PITPNM2: variants seen among roughly 807,000 people sequenced by gnomAD.
The protein encoded by PITPNM2 is phosphatidylinositol transfer protein membrane associated 2.
PITPNM2 carries 35 observed loss-of-function variants against 132.2 expected under a neutral mutation model. The ratio of observed to expected loss-of-function variants is 0.26; its 90% CI spans 0.20 to 0.35. PITPNM2 has a LOEUF of 0.35. PITPNM2 is among the 10% of genes least tolerant of loss of function. The probability of loss-of-function intolerance (pLI) is 1.00; values close to 1 mark genes in which losing one functional copy is unlikely to be tolerated. For missense variants in PITPNM2, 1,332 were observed against 1,912.0 expected, an observed-to-expected ratio of 0.70 and a Z score of 5.66; for synonymous variants, 738 against 799.2, an observed-to-expected ratio of 0.92 and a Z score of 1.29.
intron 3 of PITPNM2, among the ~76,000 whole-genome samples, chr12:123,018,083 C>T (rs2039513948): frequency 1.5e-5 from 2 of 131,612 alleles, no homozygotes; most frequent in Non-Finnish European, 3.2e-5. Context: ...CTCTCTTTCT[C>T]TTTCTCTCTT....
intron 13 of PITPNM2, among the ~76,000 whole-genome samples, chr12:122,996,056 C>T (rs1349972710): frequency 2.0e-5 from 3 of 152,228 alleles, no homozygotes; most frequent in African/African-American, 7.2e-5. Flanking sequence ...GGCACCTATG[C>T]TGCCAACCTT....
chr12:122,999,111 C>CAAA (rs5801497), intron 10 of PITPNM2, among the ~76,000 whole-genome samples: 2 of 89,742 alleles, frequency 2.2e-5, no homozygotes, highest in Admixed American at 1.2e-4. Flanking sequence ...ACCCTGTCTC[C>CAAA]AAAAAAAAAA....
chr12:123,142,394 C>T (rs534025260), intron 1 of PITPNM2, among the ~76,000 whole-genome samples: 2 of 152,296 alleles, frequency 1.3e-5, no homozygotes, highest in African/African-American at 2.4e-5. Flanking sequence ...GAAAATGTCC[C>T]GCTTAGGGGA....
chr12:123,053,644 C>G (rs2040932587), intron 2 of PITPNM2, among the ~76,000 whole-genome samples: 1 of 139,472 alleles, frequency 7.2e-6, no homozygotes, highest in African/African-American at 3.3e-5. Flanking sequence ...CTCGGCTCAC[C>G]AAAACCTCCA....
rs991823801 is a variant in PITPNM2 at position 123,117,264 on chromosome 12, C to G, written c.-199-6776G>C. Among the ~76,000 whole-genome samples, 4 of 152,194 alleles carry G rather than the reference C, an allele frequency of 2.6e-5. No homozygotes were observed. The highest frequency in any genetic ancestry group is 5.9e-5 in the Non-Finnish European group (4 of 68,052). On this transcript the variant is annotated intron_variant, in intron 1 of 25. Transcript: ENST00000320201. This position sits in a 1 kb window ranked among gnomAD's most constrained non-coding sequence, Gnocchi z 4.7. Reference sequence around the variant, plus strand: ...CCGGTGCTGAGTTTCAAACAGCGGTCGTGAGGCTGGGGAATTTCTCCAGTG... The same window carrying G: ...CCGGTGCTGAGTTTCAAACAGCGGTGGTGAGGCTGGGGAATTTCTCCAGTG...
chr12:123,041,492 A>G (rs1249677404), intron 2 of PITPNM2, among the ~76,000 whole-genome samples: 1 of 152,080 alleles, frequency 6.6e-6, no homozygotes, highest in Non-Finnish European at 1.5e-5. Context: ...GAGGCCAGGG[A>G]GCATGGCAGA....
intron 8 of PITPNM2, among the ~76,000 whole-genome samples, chr12:123,002,571 C>T (rs1041615405): frequency 2.0e-5 from 3 of 152,108 alleles, no homozygotes; most frequent in African/African-American, 7.2e-5. Context: ...CGCCACGACA[C>T]TTGGCTAATT....
At chr12:123,141,609 G>C (rs1404321398) in intron 1 of PITPNM2, among the ~76,000 whole-genome samples, 1 of 152,010 alleles carries the variant, frequency 6.6e-6, no homozygotes. Flanking sequence ...GGAATCTTAA[G>C]CACCAGAAAA....
intron 2 of PITPNM2, among the ~76,000 whole-genome samples, chr12:123,055,086 GA>G (rs1174193016): frequency 6.6e-6 from 1 of 152,038 alleles, no homozygotes; most frequent in Non-Finnish European, 1.5e-5. Context: ...GAAAAGAAAA[GA>G]AAAGGTACAT....
chr12:123,148,403 G>A (rs903539615), intron 1 of PITPNM2, among the ~76,000 whole-genome samples: 2 of 152,256 alleles, frequency 1.3e-5, no homozygotes, highest in Non-Finnish European at 2.9e-5. Context: ...AAGAGCACAC[G>A]GCCCTGGCAT....
At chr12:123,068,182 G>GCACGGCCGGA (rs2041491482) in intron 2 of PITPNM2, among the ~76,000 whole-genome samples, 1 of 86,898 alleles carries the variant, frequency 1.2e-5, no homozygotes, top group African/African-American at 5.0e-5. Context: ...AAATCCACGG[G>GCACGGCCGGA]CACGGCCGGG....
chr12:123,013,709 T>TTA, intron 4 of PITPNM2, 119 bp downstream of exon 4: 1 of 1,170,618 alleles, frequency 8.5e-7, no homozygotes. Flanking sequence ...TTCCCTGGGG[T>TTA]TATGGGTTGT....
chr12:123,062,067 A>G (rs1425136561), intron 2 of PITPNM2, among the ~76,000 whole-genome samples: 1 of 152,120 alleles, frequency 6.6e-6, no homozygotes, highest in Non-Finnish European at 1.5e-5. Flanking sequence ...TGCCAAGTAG[A>G]GCAGCCTGGC....
chr12:123,040,713 C>T (rs1240149746), intron 2 of PITPNM2, among the ~76,000 whole-genome samples: 2 of 151,430 alleles, frequency 1.3e-5, no homozygotes, highest in Non-Finnish European at 2.9e-5. Context: ...TCATGTAGAA[C>T]ACGATACTTT....
At chr12:123,011,969 A>G (rs2039228290) in intron 5 of PITPNM2, among the ~76,000 whole-genome samples, 1 of 151,914 alleles carries the variant, frequency 6.6e-6, no homozygotes, top group African/African-American at 2.4e-5. Flanking sequence ...ATGGACACCC[A>G]CCCCCAACCC....
rs552984772 is a variant in PITPNM2 at position 123,005,576 on chromosome 12, G to A, written c.644-28C>T. 4 of 1,598,350 alleles carry A rather than the reference G, an allele frequency of 2.5e-6. No homozygotes were observed. In the South Asian group the frequency reaches 4.4e-5, roughly 18 times the overall value. On this transcript the variant is annotated intron_variant, in intron 6 of 25. Transcript: ENST00000320201. The surrounding 1 kb of genome is among the most constrained non-coding windows in gnomAD (Gnocchi z 6.2). ...GTGCCCCATGGGGATCAGAGAGGGA[G>A]AGACGAGGGGAGGGAGGTCAGCGCA...
chr12:123,111,827 T>C lies in PITPNM2; in HGVS notation c.-199-1339A>G, dbSNP rs945267061. Among the ~76,000 whole-genome samples the C allele has an allele frequency of 6.6e-6, 1 of 152,200 alleles. No individual in the cohort carries two copies. Among genetic ancestry groups the C allele is most frequent in the African/African-American group, 2.4e-5 (1 of 41,452 alleles). On this transcript the variant is annotated intron_variant, in intron 1 of 25. Transcript: ENST00000320201. This position sits in a 1 kb window ranked among gnomAD's most constrained non-coding sequence, Gnocchi z 4.1. ...CAGGTCCCAGCCCTCCCAGTGACCA[T>C]GAGCAAGCTGGCCTTCCAGCCTTGC...
At chr12:123,056,085 A>G (rs2041016742) in intron 2 of PITPNM2, among the ~76,000 whole-genome samples, 1 of 152,152 alleles carries the variant, frequency 6.6e-6, no homozygotes, top group African/African-American at 2.4e-5. Flanking sequence ...CCCAGTCCCA[A>G]GCCCAGTTGG....
At chr12:123,134,301 G>T (rs528520738) in intron 1 of PITPNM2, among the ~76,000 whole-genome samples, 1 of 152,162 alleles carries the variant, frequency 6.6e-6, no homozygotes, top group East Asian at 1.9e-4. Context: ...CTGACCTTGC[G>T]ATCTGCCCAC....
Sources: allele counts gnomAD v4.1 joint callset (sites outside exome capture counted in the v4.1 genomes callset), GRCh38; gene constraint gnomAD v4.1.1; non-coding constraint Gnocchi (gnomAD v3.1); transcripts MANE v1.5; gene names NCBI Gene and HGNC (gene_info 2026-07-23, HGNC 2026-07-21).